The following USP42 variants were observed in gnomAD, a reference collection of about 807,000 sequenced individuals.
USP42 encodes the protein ubiquitin carboxyl-terminal hydrolase 42.
USP42 carries 23 observed loss-of-function variants against 113.0 expected under a neutral mutation model. That is an observed-to-expected ratio of 0.20 (90% CI 0.15 to 0.29). The LOEUF (loss-of-function observed/expected upper bound fraction) is 0.29, where lower values mean the gene tolerates loss of function less well. Among genes scored for constraint, USP42 ranks in the 10% least tolerant of loss-of-function variants. USP42 has a pLI of 1.00. For synonymous variants in USP42, 933 were observed against 699.0 expected, an observed-to-expected ratio of 1.33 and a Z score of -5.28; for missense variants, 2,174 against 1,779.8, an observed-to-expected ratio of 1.22 and a Z score of -3.99.
intron 1 of USP42, among the ~76,000 whole-genome samples, chr7:6,109,027 C>G (rs1480237462): frequency 6.6e-6 from 1 of 152,172 alleles, no homozygotes; most frequent in African/African-American, 2.4e-5. Context: ...GGAGTAGATG[C>G]CAGCACAGTA....
chr7:6,087,375 C>A, the USP42 span, among the ~76,000 whole-genome samples: 1 of 129,850 alleles, frequency 7.7e-6, no homozygotes, highest in Non-Finnish European at 1.6e-5. Context: ...GACTAAGTCT[C>A]ACTCTGTTGT....
chr7:6,124,893 T>C (rs1259862520), intron 3 of USP42, among the ~76,000 whole-genome samples: 1 of 152,080 alleles, frequency 6.6e-6, no homozygotes, highest in East Asian at 1.9e-4. Context: ...AACATTCCAC[T>C]TCTCAGGCCG....
the USP42 span, chr7:6,081,654 A>C: frequency 6.6e-6 from 1 of 152,248 alleles, no homozygotes. Context: ...CCCATGGCGC[A>C]TGCTCTCTGG....
intron 12 of USP42, among the ~76,000 whole-genome samples, chr7:6,148,716 C>T (rs1292270634): frequency 6.6e-6 from 1 of 152,122 alleles, no homozygotes; most frequent in Non-Finnish European, 1.5e-5. Flanking sequence ...AGCTTTTCGA[C>T]TTGAGTTTGT....
At chr7:6,081,447 C>A in the USP42 span, among the ~76,000 whole-genome samples, 3 of 152,172 alleles carry the variant, frequency 2.0e-5, no homozygotes, top group Admixed American at 6.6e-5. Flanking sequence ...AGAACTCGTC[C>A]GCCGGACAGC....
intron 3 of USP42, among the ~76,000 whole-genome samples, chr7:6,128,471 A>G (rs529069538): frequency 1.1e-3 from 170 of 152,192 alleles, no homozygotes; most frequent in Middle Eastern, 3.4e-3. Context: ...TGCATGACAT[A>G]TCTTTTTTAT....
intron 3 of USP42, chr7:6,128,280 T>C (rs986164280): frequency 6.6e-5 from 10 of 150,814 alleles, no homozygotes; most frequent in African/African-American, 2.2e-4. Context: ...TTTTCCTCCT[T>C]GAGATGAGGT....
At chr7:6,083,644 T>C in the USP42 span, among the ~76,000 whole-genome samples, 1 of 150,528 alleles carries the variant, frequency 6.6e-6, no homozygotes, top group Admixed American at 6.6e-5. Flanking sequence ...CACCAGAATA[T>C]ATAAGTATAT....
At chr7:6,148,055 C>T (rs577461153) in intron 12 of USP42, among the ~76,000 whole-genome samples, 163 bp downstream of exon 12, 4 of 152,296 alleles carry the variant, frequency 2.6e-5, no homozygotes, top group South Asian at 4.1e-4. Flanking sequence ...ATACAGAAAA[C>T]GGCCGAGCGC....
At chr7:6,150,687 G>A (rs1326079034) in intron 14 of USP42, among the ~76,000 whole-genome samples, 181 bp downstream of exon 14, 1 of 152,194 alleles carries the variant, frequency 6.6e-6, no homozygotes, top group Non-Finnish European at 1.5e-5. Flanking sequence ...AAGAAAAAAT[G>A]TGGCATACAG....
rs773194602 is a variant in USP42, at chr7:6,150,107, C to T, written c.1911C>T (p.Pro637=). The T allele has an allele frequency of 1.8e-5, 29 of 1,611,598 alleles. No individual in the cohort carries two copies. Among genetic ancestry groups the T allele is most frequent in the Middle Eastern group, 1.6e-4 (1 of 6,084 alleles). ...GIGTIVSSHS[P]GQDAEDEEAT... is the part of the protein sequence containing the mutation. ...GTACGATTGTGAGCTCCCACTCTCC[C>T]GGCCAAGATGCCGAAGATGAGGAGG... The change falls in exon 13 of 18, where the codon CCC becomes CCT. Residue 637 remains proline, a synonymous_variant. Coordinates refer to ENST00000306177, the MANE Select transcript of USP42 (RefSeq NM_032172.3).
chr7:6,146,098 C>G (rs1226870705), intron 10 of USP42, 50 bp from the exon 11 acceptor site: 2 of 1,285,378 alleles, frequency 1.6e-6, no homozygotes, highest in South Asian at 1.4e-5. Flanking sequence ...TGACTATGTT[C>G]CATGTTTAAT....
rs544396650 is a variant in USP42 at position 6,137,794 on chromosome 7, C to T, written c.554-1298C>T. 4.6e-5 allele frequency among the ~76,000 whole-genome samples: 7 copies of T among 152,284 alleles called. No homozygotes were observed. The South Asian group carries it at 8.3e-4, about 18-fold the overall frequency. Reference sequence around the variant, plus strand: ...TCTCGGATTCCAGCGATTTCTCCTGCGTCAGCCTCCTGAGTAGCTGGGACT... The same window carrying T: ...TCTCGGATTCCAGCGATTTCTCCTGTGTCAGCCTCCTGAGTAGCTGGGACT... On this transcript the variant is annotated intron_variant, in intron 4 of 17. Transcript: ENST00000306177.
the USP42 span, among the ~76,000 whole-genome samples, chr7:6,083,607 C>A: frequency 2.0e-5 from 3 of 149,920 alleles, no homozygotes; most frequent in African/African-American, 7.5e-5. Flanking sequence ...CATATATATA[C>A]CCAGAAACCG....
upstream of USP42, chr7:6,104,826 C>G (rs1779164825): frequency 6.7e-6 from 1 of 150,128 alleles, no homozygotes; most frequent in Non-Finnish European, 1.5e-5. Flanking sequence ...TCTTGTGCGA[C>G]GGCCCCTGGG....
At chr7:6,081,736 G>C in the USP42 span, 1 of 152,362 alleles carries the variant, frequency 6.6e-6, no homozygotes, top group East Asian at 1.9e-4. Context: ...AGCCGACTGC[G>C]CCTACGTGGA....
chr7:6,154,114 G>C lies in USP42; in HGVS notation c.2560G>C (p.Gly854Arg). ...CTCGGCGTTGGCGGAAGCCCCGGAA[G>C]GGTTGAGTCCGGCTCCGCCTGCGCG... Reference protein sequence around the residue: ...RDSALAEAPEGLSPAPPARSE... With the variant: ...RDSALAEAPERLSPAPPARSE... Residue 854 changes from glycine (G) to arginine (R), a missense_variant, in exon 15 of 18, where the codon GGG becomes CGG. By Grantham distance (125) the Gly-to-Arg change is moderately radical. Transcript: ENST00000306177. 1.2e-6 allele frequency: 2 copies of C among 1,603,544 alleles called. No homozygotes were observed. The highest frequency in any genetic ancestry group is 1.7e-6 in the Non-Finnish European group (2 of 1,177,716).
At chr7:6,120,991 C>A (rs1268683732) in intron 3 of USP42, among the ~76,000 whole-genome samples, 1 of 150,618 alleles carries the variant, frequency 6.6e-6, no homozygotes, top group East Asian at 1.9e-4. Context: ...AGATTTTGAT[C>A]TTATATCTTG....
intron 3 of USP42, among the ~76,000 whole-genome samples, chr7:6,132,563 T>G (rs923822230): frequency 6.6e-6 from 1 of 152,040 alleles, no homozygotes; most frequent in Non-Finnish European, 1.5e-5. Context: ...TTCACCATGT[T>G]AGCCAGGCTG....
Sources: allele counts gnomAD v4.1 joint callset (sites outside exome capture counted in the v4.1 genomes callset), GRCh38; gene constraint gnomAD v4.1.1; transcripts MANE v1.5; gene names NCBI Gene and HGNC (gene_info 2026-07-23, HGNC 2026-07-21).